Variants in NTNG2 observed in about 807,000 individuals in gnomAD.
NTNG2 encodes netrin G2.
A neutral mutation model predicts 47.6 loss-of-function variants in NTNG2; 15 were observed. The observed-to-expected ratio is 0.32, with a 90% CI of 0.21 to 0.49. NTNG2 has a LOEUF of 0.49. Ranked by LOEUF, NTNG2 falls within the 20% of genes least tolerant of loss-of-function variation. The pLI is 0.99. For missense variants in NTNG2, 578 were observed against 764.6 expected (o/e 0.76, Z 2.88); for synonymous variants, 307 against 324.6 (o/e 0.95, Z 0.58).
At position 132,197,277 on chromosome 9, in the gene NTNG2, T is replaced by A. The variant is rs1838383858; in HGVS notation, c.214-689T>A. ...GGTGGTGCATGCCTGTAATCCCAGC[T>A]ACTTGGGAGGCTGAGGCAGGAGAAT... On this transcript the variant is annotated intron_variant, in intron 2 of 7. Coordinates refer to ENST00000393229, the MANE Select transcript of NTNG2 (RefSeq NM_032536.4). The surrounding 1 kb of genome is among the most constrained non-coding windows in gnomAD (Gnocchi z 4.3). 6.6e-6 allele frequency among the ~76,000 whole-genome samples: 1 copy of A among 152,010 alleles called. No homozygotes were observed. The highest frequency in any genetic ancestry group is 2.4e-5 in the African/African-American group (1 of 41,362).
At position 132,162,414 on chromosome 9, in the gene NTNG2, C is replaced by CG. The variant is rs2131226439; in HGVS notation, c.-484+176dup. The stretch of plus-strand genomic sequence containing the variant: ...AAAAGTTGTTTGGTGGCGGCTGCTA[C>CG]GAGCTGAGAACTGGAGTCGCCCCAG... On this transcript the variant is annotated intron_variant, in intron 1 of 7. Coordinates refer to ENST00000393229, the MANE Select transcript of NTNG2 (RefSeq NM_032536.4). The surrounding 1 kb of genome is among the most constrained non-coding windows in gnomAD (Gnocchi z 4.6). Among the ~76,000 whole-genome samples, 1 of 152,218 alleles carries CG rather than the reference C, an allele frequency of 6.6e-6. No individual in the cohort carries two copies. The highest frequency in any genetic ancestry group is 2.1e-4 in the South Asian group (1 of 4,824).
At chr9:132,173,157 C>T (rs1836061479) in intron 2 of NTNG2, among the ~76,000 whole-genome samples, 1 of 152,194 alleles carries the variant, frequency 6.6e-6, no homozygotes, top group African/African-American at 2.4e-5. Context: ...GAGGTTTGCA[C>T]AACTCTGTCC....
chr9:132,242,189 GGGCGGTGAGAAGGGTGC>G lies in NTNG2; in HGVS notation c.*82_*98del. The G allele has an allele frequency of 1.4e-6, 1 of 695,602 alleles. No individual in the cohort carries two copies. The highest frequency in any genetic ancestry group is 1.8e-6 in the Non-Finnish European group (1 of 550,734). The allele number at this position is 695,602 out of a possible 1,614,324, so 43.1% of individuals were successfully genotyped here. ...CGGGGCGGGGCCGGCGTCCGAGGCCGGGCGGTGAGAAGGGTGCGGCCCGAGGTGCTCCCAGGTGCTAC... is the reference window on the plus strand; with the variant it reads ...CGGGGCGGGGCCGGCGTCCGAGGCCGGGCCCGAGGTGCTCCCAGGTGCTAC... On this transcript the variant is annotated 3_prime_UTR_variant, in exon 8 of 8. Coordinates refer to ENST00000393229, the MANE Select transcript of NTNG2 (RefSeq NM_032536.4). This position sits in a 1 kb window ranked among gnomAD's most constrained non-coding sequence, Gnocchi z 5.9.
At chr9:132,239,007 T>G (rs879539815) in intron 5 of NTNG2, 97 bp from the exon 6 acceptor site, 1 of 1,268,790 alleles carries the variant, frequency 7.9e-7, no homozygotes, top group Non-Finnish European at 1.1e-6. Context: ...CCTTCCTCCG[T>G]CCCTGCATGA....
chr9:132,188,610 A>G (rs1837590702), intron 2 of NTNG2, among the ~76,000 whole-genome samples: 1 of 152,190 alleles, frequency 6.6e-6, no homozygotes, highest in South Asian at 2.1e-4. Flanking sequence ...CGCCCAGCAC[A>G]GGGCCGAGGT....
At chr9:132,202,260 G>A (rs530245099) in intron 3 of NTNG2, among the ~76,000 whole-genome samples, 1 of 152,214 alleles carries the variant, frequency 6.6e-6, no homozygotes, top group African/African-American at 2.4e-5. Context: ...TAGGCAGGAG[G>A]GGGAGGACAG....
chr9:132,225,070 A>C (rs1466100149), intron 3 of NTNG2, among the ~76,000 whole-genome samples: 2 of 151,834 alleles, frequency 1.3e-5, no homozygotes, highest in Non-Finnish European at 2.9e-5. Context: ...CAGGTGCACC[A>C]TCACACTTGG....
At chr9:132,207,076 A>T (rs1428455993) in intron 3 of NTNG2, among the ~76,000 whole-genome samples, 1 of 152,234 alleles carries the variant, frequency 6.6e-6, no homozygotes, top group Non-Finnish European at 1.5e-5. Context: ...ACGCACAGCA[A>T]CGCCTTCCCA....
intron 7 of NTNG2, 82 bp from the exon 8 acceptor site, chr9:132,241,794 C>T: frequency 1.8e-6 from 2 of 1,115,980 alleles, no homozygotes; most frequent in Non-Finnish European, 2.5e-6. Context: ...CCCGGGATCT[C>T]GCACACCCTG....
In NTNG2 at chr9:132,221,029, T is replaced by A. The variant is rs1364886309; in HGVS notation, c.858-5820T>A. 6.6e-6 allele frequency among the ~76,000 whole-genome samples: 1 copy of A among 152,130 alleles called. No homozygotes were observed. The highest frequency in any genetic ancestry group is 1.5e-5 in the Non-Finnish European group (1 of 68,016). ...AATAGCCTGTAGAGCTGTTTTACAG[T>A]CCATGCGCCCATCTCCCCCAGTCAT... On this transcript the variant is annotated intron_variant, in intron 3 of 7. Transcript: ENST00000393229. The surrounding 1 kb of genome is among the most constrained non-coding windows in gnomAD (Gnocchi z 4.2).
At chr9:132,196,841 C>T (rs1012876988) in intron 2 of NTNG2, among the ~76,000 whole-genome samples, 7 of 152,206 alleles carry the variant, frequency 4.6e-5, no homozygotes, top group African/African-American at 1.7e-4. Flanking sequence ...GACGCAATTG[C>T]AAGTTCCTGC....
chr9:132,185,705 T>C (rs1335043418), intron 2 of NTNG2, among the ~76,000 whole-genome samples: 1 of 152,020 alleles, frequency 6.6e-6, no homozygotes, highest in Non-Finnish European at 1.5e-5. Flanking sequence ...CTTCCATCTC[T>C]CCTTTCATTT....
intron 3 of NTNG2, among the ~76,000 whole-genome samples, chr9:132,224,843 T>A (rs1376191780): frequency 1.3e-5 from 2 of 152,220 alleles, no homozygotes; most frequent in Admixed American, 1.3e-4. Flanking sequence ...AGTTACCAAC[T>A]AGTGAATCTT....
At chr9:132,213,126 A>G (rs905360036) in intron 3 of NTNG2, among the ~76,000 whole-genome samples, 21 of 152,260 alleles carry the variant, frequency 1.4e-4, no homozygotes, top group South Asian at 2.1e-4. Context: ...CCTGGCCAAC[A>G]TAGTAAAACC....
rs985286677 is a variant in NTNG2, at chr9:132,197,491, C to T, written c.214-475C>T. 3.3e-5 allele frequency among the ~76,000 whole-genome samples: 5 copies of T among 152,108 alleles called. No individual in the cohort carries two copies. Among genetic ancestry groups the T allele is most frequent in the African/African-American group, 1.2e-4 (5 of 41,432 alleles). ...AGAATGTGAATGGGAATTTTTGAGG[C>T]GGACAGAGTGGAAGGGCACATGAAG... On this transcript the variant is annotated intron_variant, in intron 2 of 7. Coordinates refer to ENST00000393229, the MANE Select transcript of NTNG2 (RefSeq NM_032536.4). This position sits in a 1 kb window ranked among gnomAD's most constrained non-coding sequence, Gnocchi z 4.3.
chr9:132,166,188 T>C (rs1736339009), intron 1 of NTNG2, 161 bp from the exon 2 acceptor site: 3 of 155,688 alleles, frequency 1.9e-5, no homozygotes, highest in Admixed American at 1.2e-4. Context: ...AACACCTCAG[T>C]AGCTTTTCAT....
rs750835267 is a variant in NTNG2 at position 132,227,026 on chromosome 9, G to T, written c.1030+5G>T. 1.3e-6 allele frequency: 2 copies of T among 1,592,004 alleles called. No individual in the cohort carries two copies. The highest frequency in any genetic ancestry group is 2.2e-5 in the South Asian group (2 of 89,822). On this transcript the variant is annotated splice_donor_5th_base_variant and intron_variant, in intron 4 of 7. Coordinates refer to ENST00000393229, the MANE Select transcript of NTNG2 (RefSeq NM_032536.4). ...CCCATGGCTCTCCCAACGCCTGTAC[G>T]TGCCATGCCCCGGGGCCACGAGCCC...
intron 2 of NTNG2, among the ~76,000 whole-genome samples, chr9:132,190,212 G>A (rs1338719286): frequency 3.4e-5 from 4 of 116,928 alleles, no homozygotes; most frequent in African/African-American, 6.8e-5. Flanking sequence ...CAGACTGGGC[G>A]AAAGAGAGAG....
At chr9:132,234,537 C>T (rs1360027900) in intron 5 of NTNG2, among the ~76,000 whole-genome samples, 3 of 152,240 alleles carry the variant, frequency 2.0e-5, no homozygotes, top group Admixed American at 1.3e-4. Flanking sequence ...CGAGTGCCTC[C>T]CAACAGGTGC....
Sources: allele counts gnomAD v4.1 joint callset (sites outside exome capture counted in the v4.1 genomes callset), GRCh38; gene constraint gnomAD v4.1.1; non-coding constraint Gnocchi (gnomAD v3.1); transcripts MANE v1.5; gene names NCBI Gene and HGNC (gene_info 2026-07-23, HGNC 2026-07-21).